The following VPS13B variants were observed in gnomAD, a reference collection of about 807,000 sequenced individuals.
The protein encoded by VPS13B is intermembrane lipid transfer protein VPS13B.
A neutral mutation model predicts 426.4 loss-of-function variants in VPS13B; 285 were observed. The observed-to-expected ratio is 0.67, with a 90% confidence interval of 0.61 to 0.74. The LOEUF (loss-of-function observed/expected upper bound fraction) is 0.74, where lower values mean the gene tolerates loss of function less well. Ranked by LOEUF, VPS13B falls within the 30% of genes least tolerant of loss-of-function variation. The pLI is 0.00. For synonymous variants in VPS13B, 1,676 were observed against 1,676.4 expected, an observed-to-expected ratio of 1.00 and a Z score of 0.01; for missense variants, 4,537 against 4,782.6, an observed-to-expected ratio of 0.95 and a Z score of 1.51.
chr8:99,048,525 G>A (rs1843348389), intron 3 of VPS13B, among the ~76,000 whole-genome samples: 1 of 151,974 alleles, frequency 6.6e-6, no homozygotes, highest in Non-Finnish European at 1.5e-5. Flanking sequence ...ATAAATTTGG[G>A]AGCTCTAGGC....
rs1169722183 is a variant in VPS13B at position 99,877,062 on chromosome 8, A to G, written c.*1396A>G. ...TTTTTTCTAGAGATGAGGTCTCACT[A>G]TGTTGCCCAGCTGGTCTCATACTCC... On this transcript the variant is annotated 3_prime_UTR_variant, in exon 62 of 62. Transcript: ENST00000357162. 6.6e-6 allele frequency: 1 copy of G among 152,110 alleles called. No homozygotes were observed. Among genetic ancestry groups the G allele is most frequent in the Non-Finnish European group, 1.5e-5 (1 of 68,062 alleles). The allele number at this position is 152,110 out of a possible 1,614,324, so 9.4% of individuals were successfully genotyped here.
At chr8:99,121,050 C>T (rs1847907160) in intron 7 of VPS13B, 127 bp from the exon 8 acceptor site, 1 of 761,300 alleles carries the variant, frequency 1.3e-6, no homozygotes, top group South Asian at 1.9e-5. Context: ...TAGTAATAAT[C>T]ACTGTATCAT....
intron 25 of VPS13B, among the ~76,000 whole-genome samples, chr8:99,483,200 A>G (rs1449195337): frequency 6.6e-6 from 1 of 152,152 alleles, no homozygotes; most frequent in Non-Finnish European, 1.5e-5. Context: ...AACCCCCTGT[A>G]CAAGCAACTT....
At chr8:99,661,325 T>G (rs1168390055) in intron 34 of VPS13B, 29 bp from the exon 35 acceptor site, 1 of 1,612,926 alleles carries the variant, frequency 6.2e-7, no homozygotes, top group Non-Finnish European at 8.5e-7. Context: ...ATGTAACTGA[T>G]GTTTTTAATT....
chr8:99,136,730 A>G lies in VPS13B; in HGVS notation c.1629A>G (p.Thr543=), dbSNP rs760975110. 1.1e-5 allele frequency: 17 copies of G among 1,613,508 alleles called. No homozygotes were observed. Among genetic ancestry groups the G allele is most frequent in the Non-Finnish European group, 1.3e-5 (15 of 1,179,662 alleles). ...CTTTTTATATGGATTACCTGTATACAATGGAGAACACTAGTGGCAAAGGTA... is the reference window on the plus strand; with the variant it reads ...CTTTTTATATGGATTACCTGTATACGATGGAGAACACTAGTGGCAAAGGTA... ...FGAFYMDYLY[T]MENTSGKGST... The change falls in exon 12 of 62, where the codon ACA becomes ACG. Residue 543 remains threonine, a synonymous_variant. Coordinates refer to ENST00000357162, the MANE Select transcript of VPS13B (RefSeq NM_152564.5).
intron 19 of VPS13B, among the ~76,000 whole-genome samples, chr8:99,358,011 C>CAG (rs1170895712): frequency 6.6e-6 from 1 of 151,216 alleles, no homozygotes; most frequent in Non-Finnish European, 1.5e-5. Context: ...ATCACACACA[C>CAG]ACACACACAC....
At chr8:99,608,038 A>G (rs1395504578) in intron 33 of VPS13B, among the ~76,000 whole-genome samples, 1 of 152,080 alleles carries the variant, frequency 6.6e-6, no homozygotes, top group East Asian at 1.9e-4. Flanking sequence ...ACAACCTTAC[A>G]TAGATATGTA....
At chr8:99,212,970 TAGTA>T (rs1004553725) in intron 17 of VPS13B, among the ~76,000 whole-genome samples, 1 of 152,192 alleles carries the variant, frequency 6.6e-6, no homozygotes, top group African/African-American at 2.4e-5. Context: ...GGATTAGTCT[TAGTA>T]AGTATCCTCT....
At chr8:99,332,913 T>C (rs1472754527) in intron 19 of VPS13B, among the ~76,000 whole-genome samples, 3 of 151,648 alleles carry the variant, frequency 2.0e-5, no homozygotes, top group Non-Finnish European at 3.0e-5. Flanking sequence ...TATAATAGTG[T>C]TGCTTATTTT....
In VPS13B at chr8:99,142,464, C is replaced by T. The variant is rs118083399; in HGVS notation, c.1652-510C>T. ...AGTAGGATTCTGTACCATGGAACAT[C>T]GCTATAATGAATCTATTCTAGAAAA... is the stretch of plus-strand genomic sequence containing the variant. On this transcript the variant is annotated intron_variant, in intron 12 of 61. Coordinates refer to ENST00000357162, the MANE Select transcript of VPS13B (RefSeq NM_152564.5). Among the ~76,000 whole-genome samples the T allele has an allele frequency of 1.8e-3, 270 of 152,160 alleles. 8 individuals are homozygous for T. The East Asian group carries it at 0.046, about 26-fold the overall frequency.
intron 23 of VPS13B, 26 bp downstream of exon 23, chr8:99,442,661 G>A (rs1009332808): frequency 6.2e-7 from 1 of 1,601,594 alleles, no homozygotes; most frequent in South Asian, 1.1e-5. Context: ...TTTTTCCTAT[G>A]GTTAATGTTT....
At chr8:99,060,730 C>CT (rs1012144131) in intron 3 of VPS13B, among the ~76,000 whole-genome samples, 42 of 151,798 alleles carry the variant, frequency 2.8e-4, no homozygotes, top group Non-Finnish European at 4.1e-4. Context: ...TTCAATAATA[C>CT]TTTTTTTTAA....
chr8:99,475,012 T>A (rs554427438), intron 24 of VPS13B, among the ~76,000 whole-genome samples: 5 of 152,168 alleles, frequency 3.3e-5, no homozygotes, highest in Non-Finnish European at 7.4e-5. Flanking sequence ...AATCAGCCAT[T>A]AAAGGGCTGA....
intron 39 of VPS13B, among the ~76,000 whole-genome samples, chr8:99,759,966 TC>T (rs1255686174): frequency 5.9e-5 from 9 of 152,064 alleles, no homozygotes; most frequent in Non-Finnish European, 1.3e-4. Context: ...TCTTTTCTTT[TC>T]TTTTTTTGTA....
At chr8:99,064,827 T>C (rs952668447) in intron 3 of VPS13B, among the ~76,000 whole-genome samples, 7 of 151,974 alleles carry the variant, frequency 4.6e-5, no homozygotes, top group African/African-American at 1.5e-4. Flanking sequence ...AAGGTTGAAA[T>C]GAAGGAAAAA....
chr8:99,051,266 G>GCA (rs1843536133), intron 3 of VPS13B, among the ~76,000 whole-genome samples: 2 of 152,098 alleles, frequency 1.3e-5, no homozygotes, highest in South Asian at 4.2e-4. Flanking sequence ...AGTTTTCCCA[G>GCA]CACCATTTAT....
chr8:99,467,362 A>T, intron 23 of VPS13B, 52 bp from the exon 24 acceptor site: 1 of 1,526,602 alleles, frequency 6.6e-7, no homozygotes. Context: ...AGTGAAAATT[A>T]ATTGTCTTTT....
chr8:99,047,183 T>G (rs909367230), intron 3 of VPS13B, among the ~76,000 whole-genome samples: 16 of 152,150 alleles, frequency 1.1e-4, no homozygotes, highest in Non-Finnish European at 2.2e-4. Flanking sequence ...GGTAATTTTT[T>G]TTATTACTAT....
At chr8:99,397,464 CA>C (rs1450156383) in intron 21 of VPS13B, among the ~76,000 whole-genome samples, 2 of 152,088 alleles carry the variant, frequency 1.3e-5, no homozygotes, top group African/African-American at 4.8e-5. Flanking sequence ...TTTCTAATTA[CA>C]TTTTTTTGCT....
Sources: allele counts gnomAD v4.1 joint callset (sites outside exome capture counted in the v4.1 genomes callset), GRCh38; gene constraint gnomAD v4.1.1; transcripts MANE v1.5; gene names NCBI Gene and HGNC (gene_info 2026-07-23, HGNC 2026-07-21).